The following EXOG variants were observed in gnomAD, a reference collection of about 807,000 sequenced individuals.
The protein encoded by EXOG is exo/endonuclease G.
Under a neutral mutation model 25.8 loss-of-function variants are expected in EXOG, and 27 were observed. The ratio of observed to expected loss-of-function variants is 1.05; its 90% CI spans 0.77 to 1.45. EXOG has a LOEUF of 1.45. EXOG is among the 40% of genes most tolerant of loss of function. The pLI is 0.00. For missense variants in EXOG, 458 were observed against 450.5 expected (o/e 1.02, Z -0.15); for synonymous variants, 133 against 167.0 (o/e 0.80, Z 1.57).
intron 4 of EXOG, 33 bp downstream of exon 4, chr3:38,503,724 A>G (rs371029208): frequency 1.1e-5 from 14 of 1,244,232 alleles, no homozygotes; most frequent in East Asian, 2.3e-5. Context: ...ACATGATTCT[A>G]TGGAAGATAA....
intron 5 of EXOG, among the ~76,000 whole-genome samples, chr3:38,511,076 A>C (rs1333455221): frequency 1.3e-5 from 2 of 152,196 alleles, no homozygotes; most frequent in African/African-American, 4.8e-5. Context: ...AGTACCTGTC[A>C]TGTGGGAGGA....
At chr3:38,497,337 A>G (rs1559670385) in intron 1 of EXOG, 4 of 1,127,276 alleles carry the variant, frequency 3.5e-6, no homozygotes, top group Non-Finnish European at 3.3e-6. Flanking sequence ...GATGATTTGG[A>G]AATTTGATGT....
At chr3:38,502,260 C>T (rs971857661) in intron 3 of EXOG, among the ~76,000 whole-genome samples, 6 of 152,086 alleles carry the variant, frequency 3.9e-5, no homozygotes, top group Non-Finnish European at 7.4e-5. Flanking sequence ...GACAGAGTCT[C>T]GCTTTGATGC....
chr3:38,515,032 A>T (rs1024568105), intron 5 of EXOG, among the ~76,000 whole-genome samples: 1 of 152,110 alleles, frequency 6.6e-6, no homozygotes, highest in African/African-American at 2.4e-5. Context: ...TTAGCCTCCC[A>T]AAGTGCTGGG....
In EXOG at chr3:38,524,513, T is replaced by A; in HGVS notation, c.*151T>A. ...CCGTGTCATCCAGGCTGGAGTGCAG[T>A]GGTGGAATCATAGCTCACTATAGCC... On this transcript the variant is annotated 3_prime_UTR_variant, in exon 6 of 6. Coordinates refer to ENST00000287675, the MANE Select transcript of EXOG (RefSeq NM_005107.4). The A allele has an allele frequency of 7.3e-7, 1 of 1,363,132 alleles. No individual in the cohort carries two copies. The highest frequency in any genetic ancestry group is 9.6e-7 in the Non-Finnish European group (1 of 1,040,698). The allele number at this position is 1,363,132 out of a possible 1,614,324, so 84.4% of individuals were successfully genotyped here. A position where few individuals can be genotyped will look rare whatever the true frequency, so the allele number is the denominator to read the frequency against.
In EXOG at chr3:38,523,903, G is replaced by A. The variant is rs2125808175; in HGVS notation, c.648G>A (p.Val216=). The A allele has an allele frequency of 6.6e-7, 1 of 1,526,044 alleles. No individual in the cohort carries two copies. Among genetic ancestry groups the A allele is most frequent in the Non-Finnish European group, 8.8e-7 (1 of 1,137,884 alleles). 94.5% of individuals were successfully genotyped at this position (1,526,044 alleles called of 1,614,324 possible). A position where few individuals can be genotyped will look rare whatever the true frequency, so the allele number is the denominator to read the frequency against. The change falls in exon 6 of 6, where the codon GTG becomes GTA. Residue 216 remains valine, a splice_region_variant and synonymous_variant. Coordinates refer to ENST00000287675, the MANE Select transcript of EXOG (RefSeq NM_005107.4). The part of the protein sequence containing the change: ...GDGKKIVSYQ[V]IGEDNVAVPS... ...TAATATGGCTGCTTTGTTTTTAGGTGATTGGCGAGGACAACGTGGCAGTCC... is the reference window on the plus strand; with the variant it reads ...TAATATGGCTGCTTTGTTTTTAGGTAATTGGCGAGGACAACGTGGCAGTCC...
chr3:38,513,600 A>G (rs992850306), intron 5 of EXOG: 6 of 152,174 alleles, frequency 3.9e-5, no homozygotes, highest in Admixed American at 1.3e-4. Flanking sequence ...GCATATTATC[A>G]TATGATTTTT....
rs1290369952 is a variant in EXOG, at chr3:38,506,856, T to A, written c.533T>A (p.Ile178Lys). 12 of 1,516,418 alleles carry A rather than the reference T, an allele frequency of 7.9e-6. No individual in the cohort carries two copies. The highest frequency in any genetic ancestry group is 1.0e-5 in the Non-Finnish European group (11 of 1,093,712). The allele number at this position is 1,516,418 out of a possible 1,614,324, so 93.9% of individuals were successfully genotyped here. A position where few individuals can be genotyped will look rare whatever the true frequency, so the allele number is the denominator to read the frequency against. ...ACATTTTTTTATTTGTTTTTCAGAA[T>A]AGAAATGTACTGTCGAGAGCTGACA... Reference protein sequence around the residue: ...FDNNSGYWNRIEMYCRELTER... With the variant: ...FDNNSGYWNRKEMYCRELTER... Residue 178 changes from isoleucine to lysine, a missense_variant and splice_region_variant, in exon 5 of 6, where the codon ATA (isoleucine) becomes AAA (lysine). Ile to Lys is a moderately radical substitution (Grantham distance 102). This residue lies in a region of EXOG where 275 missense variants were observed against 230.5 expected (regional missense o/e 1.19). Transcript: ENST00000287675.
intron 4 of EXOG, chr3:38,505,463 A>C (rs978281474): frequency 6.6e-6 from 1 of 152,234 alleles, no homozygotes; most frequent in Non-Finnish European, 1.5e-5. Context: ...CCTATTAAAA[A>C]TAATTTAAAA....
intron 5 of EXOG, among the ~76,000 whole-genome samples, chr3:38,508,947 A>G (rs150421754): frequency 4.2e-3 from 645 of 152,314 alleles, no homozygotes; most frequent in African/African-American, 7.4e-3. Context: ...ATCCTTGGAA[A>G]ATTCCAGTAG....
intron 1 of EXOG, 96 bp downstream of exon 1, chr3:38,496,626 A>T (rs536195823): frequency 6.6e-7 from 1 of 1,511,510 alleles, no homozygotes; most frequent in Admixed American, 2.1e-5. Flanking sequence ...GACAGCCTTC[A>T]CCGTTTGCTG....
At chr3:38,498,554 CAA>C (rs749459757) in intron 2 of EXOG, among the ~76,000 whole-genome samples, 14 of 123,910 alleles carry the variant, frequency 1.1e-4, no homozygotes, top group Non-Finnish European at 8.7e-5. Flanking sequence ...GAATGTGTCT[CAA>C]AAAAAAAAAA....
intron 5 of EXOG, among the ~76,000 whole-genome samples, chr3:38,517,162 A>G (rs961329538): frequency 6.6e-6 from 1 of 152,344 alleles, no homozygotes; most frequent in African/African-American, 2.4e-5. Flanking sequence ...AGTTATTACT[A>G]TGTTAGTTGC....
Position 38,524,406 on chromosome 3 carries a change from A to G in EXOG, c.*44A>G, listed in dbSNP as rs778572248. ...TCATACCGTCTGTAATGAAGCAGGC[A>G]TGCCCTCTTTAGGCTAACATATTTT... On this transcript the variant is annotated 3_prime_UTR_variant, in exon 6 of 6. Transcript: ENST00000287675. 2 of 1,535,462 alleles carry G rather than the reference A, an allele frequency of 1.3e-6. No homozygotes were observed. The highest frequency in any genetic ancestry group is 2.8e-5 in the African/African-American group (2 of 71,784).
rs1065800 is a variant in EXOG, at chr3:38,524,989, G to A, written c.*627G>A. The A allele has an allele frequency of 0.47, 458,877 of 984,500 alleles. 112,290 individuals carry two copies. The highest frequency in any genetic ancestry group is 0.83 in the African/African-American group (47,616 of 57,284). 61.0% of individuals were successfully genotyped at this position (984,500 alleles called of 1,614,324 possible). ...TGGAGGCAGCTTTTAGAAATCCTCT[G>A]TGTAGTTCCTGTCCACATGCACTAT... On this transcript the variant is annotated 3_prime_UTR_variant, in exon 6 of 6. Transcript: ENST00000287675.
At chr3:38,511,913 TC>T (rs2060382148) in intron 5 of EXOG, among the ~76,000 whole-genome samples, 1 of 152,246 alleles carries the variant, frequency 6.6e-6, no homozygotes, top group African/African-American at 2.4e-5. Context: ...CTACTATTAC[TC>T]CTTTGGAGGC....
intron 4 of EXOG, chr3:38,505,425 T>C (rs895243461): frequency 7.2e-5 from 11 of 152,118 alleles, no homozygotes; most frequent in Admixed American, 6.5e-4. Context: ...AGGAAAACTT[T>C]ACCTTGTAAT....
intron 5 of EXOG, among the ~76,000 whole-genome samples, chr3:38,521,521 TGAG>T (rs1376777329): frequency 3.3e-5 from 5 of 152,230 alleles, no homozygotes; most frequent in Non-Finnish European, 7.3e-5. Context: ...AAGGAGTCCA[TGAG>T]GAGAGAAAAT....
chr3:38,524,612 C>G lies in EXOG; in HGVS notation c.*250C>G. ...CTGGGACTACAGGCACACACCATCA[C>G]CCTCAGCTACTAGTGGCTTTGCTTT... On this transcript the variant is annotated 3_prime_UTR_variant, in exon 6 of 6. Transcript: ENST00000287675. 1 of 1,168,578 alleles carries G rather than the reference C, an allele frequency of 8.6e-7. No homozygotes were observed. Among genetic ancestry groups the G allele is most frequent in the Non-Finnish European group, 1.1e-6 (1 of 947,282 alleles). 72.4% of individuals were successfully genotyped at this position (1,168,578 alleles called of 1,614,324 possible). A position where few individuals can be genotyped will look rare whatever the true frequency, so the allele number is the denominator to read the frequency against.
Sources: allele counts gnomAD v4.1 joint callset (sites outside exome capture counted in the v4.1 genomes callset), GRCh38; gene constraint gnomAD v4.1.1; regional missense constraint gnomAD v4.1.1; transcripts MANE v1.5; gene names NCBI Gene and HGNC (gene_info 2026-07-23, HGNC 2026-07-21).